Variants in ZNF345 observed in about 807,000 individuals in gnomAD.
ZNF345 encodes the protein zinc finger protein HZF10.
For synonymous variants in ZNF345, 166 were observed against 187.9 expected (o/e 0.88, Z 0.95); for missense variants, 527 against 589.9 (o/e 0.89, Z 1.10).
At chr19:36,882,213 T>C (rs1456018495), downstream of ZNF345, among the ~76,000 whole-genome samples, 2 of 152,182 alleles carry the variant, frequency 1.3e-5, no homozygotes, top group Non-Finnish European at 2.9e-5. Context: ...CTCTTTTAAA[T>C]TGGAAGCATT....
chr19:36,892,379 T>TTCTTCCC, intron 3 of ZNF345: 5 of 1,613,334 alleles, frequency 3.1e-6, no homozygotes, highest in Non-Finnish European at 3.4e-6. Flanking sequence ...GTGGGCTGAA[T>TTCTTCCC]AAAAGTAGAC....
At chr19:36,889,708 G>A (rs1188746330) in intron 3 of ZNF345, 1 of 151,774 alleles carries the variant, frequency 6.6e-6, no homozygotes, top group Admixed American at 6.6e-5. Flanking sequence ...TTTTATCTTT[G>A]CAAAGAACCA....
intron 2 of ZNF345, among the ~76,000 whole-genome samples, chr19:36,866,842 C>T (rs1008688855): frequency 1.3e-5 from 2 of 152,210 alleles, no homozygotes; most frequent in African/African-American, 4.8e-5. Context: ...TGAGCCGCCG[C>T]ACCTGGCCCA....
chr19:36,851,131 T>A (rs1449896587), intron 1 of ZNF345, 163 bp downstream of exon 1: 1 of 149,968 alleles, frequency 6.7e-6, no homozygotes. Flanking sequence ...GAGGAGGACT[T>A]TTTGTTTATG....
chr19:36,886,635 CAG>C (rs2072998831), intron 3 of ZNF345, among the ~76,000 whole-genome samples: 1 of 152,064 alleles, frequency 6.6e-6, no homozygotes, highest in Non-Finnish European at 1.5e-5. Flanking sequence ...CACCTGAGGT[CAG>C]GAGTTCGAGA....
At chr19:36,888,355 A>G (rs1272270631) in intron 3 of ZNF345, 1 of 152,150 alleles carries the variant, frequency 6.6e-6, no homozygotes, top group African/African-American at 2.4e-5. Context: ...CAAACCGTCA[A>G]TGCAAAAATC....
Position 36,876,779 on chromosome 19 carries a change from T to C in ZNF345, c.-46-6T>C. 6.6e-7 allele frequency: 1 copy of C among 1,513,742 alleles called. No homozygotes were observed. Among genetic ancestry groups the C allele is most frequent in the East Asian group, 2.3e-5 (1 of 44,168 alleles). The allele number at this position is 1,513,742 out of a possible 1,614,324, so 93.8% of individuals were successfully genotyped here. On this transcript the variant is annotated splice_polypyrimidine_tract_variant and splice_region_variant and intron_variant, in intron 2 of 2. Transcript: ENST00000420450. ...AGTGAATGTTTGCTTTTATATTTTC[T>C]TTCAGACTATGAATCAAAGTTGAGA...
At chr19:36,869,709 AT>A (rs1668242916) in intron 2 of ZNF345, among the ~76,000 whole-genome samples, 1 of 152,090 alleles carries the variant, frequency 6.6e-6, no homozygotes, top group South Asian at 2.1e-4. Flanking sequence ...CCAGGAGTGA[AT>A]ATGGCAGTGT....
intron 3 of ZNF345, among the ~76,000 whole-genome samples, chr19:36,885,731 T>C (rs1449736694): frequency 6.6e-6 from 1 of 152,158 alleles, no homozygotes; most frequent in Non-Finnish European, 1.5e-5. Context: ...AGGATACATA[T>C]TTCAACTAGC....
intron 3 of ZNF345, chr19:36,890,394 T>A (rs1298252835): frequency 6.6e-6 from 1 of 152,250 alleles, no homozygotes; most frequent in Non-Finnish European, 1.5e-5. Flanking sequence ...TATTGCTGTC[T>A]ATCTCTTTTC....
At chr19:36,867,770 C>G (rs773034034) in intron 2 of ZNF345, among the ~76,000 whole-genome samples, 3 of 152,016 alleles carry the variant, frequency 2.0e-5, no homozygotes, top group Non-Finnish European at 2.9e-5. Context: ...GACTTACTAT[C>G]CTTCTGGGAA....
In ZNF345 at chr19:36,871,459, G is replaced by T. The variant is rs540665133; in HGVS notation, c.-46-5326G>T. ...TTTGTGAGTCATTTGAAAATATGTT[G>T]GGGACATCTTCACATTTTACCATTA... On this transcript the variant is annotated intron_variant, in intron 2 of 2. Coordinates refer to ENST00000420450, the MANE Select transcript of ZNF345 (RefSeq NM_001242472.2). 3.3e-5 allele frequency among the ~76,000 whole-genome samples: 5 copies of T among 151,902 alleles called. No homozygotes were observed. The South Asian group carries it at 1.0e-3, about 32-fold the overall frequency.
intron 2 of ZNF345, among the ~76,000 whole-genome samples, chr19:36,864,801 G>A (rs377148879): frequency 4.6e-5 from 7 of 152,218 alleles, no homozygotes; most frequent in African/African-American, 7.2e-5. Flanking sequence ...GACAGTCATC[G>A]TCAGGGTTAT....
Position 36,878,470 on chromosome 19 carries a change from G to T in ZNF345, c.*173G>T, listed in dbSNP as rs2072937203. On this transcript the variant is annotated 3_prime_UTR_variant, in exon 3 of 3. Coordinates refer to ENST00000420450, the MANE Select transcript of ZNF345 (RefSeq NM_001242472.2). Reference sequence around the variant, plus strand: ...ACCCCAAATAAAATAAATATTTGAAGATCCTTATCTATATTCATTCCTTCA... The same window carrying T: ...ACCCCAAATAAAATAAATATTTGAATATCCTTATCTATATTCATTCCTTCA... The T allele has an allele frequency of 8.0e-6, 4 of 497,970 alleles. No individual in the cohort carries two copies. Among genetic ancestry groups the T allele is most frequent in the Non-Finnish European group, 1.4e-5 (4 of 291,934 alleles). The allele number at this position is 497,970 out of a possible 1,614,324, so 30.8% of individuals were successfully genotyped here. A position where few individuals can be genotyped will look rare whatever the true frequency, so the allele number is the denominator to read the frequency against.
At chr19:36,892,020 A>G in intron 3 of ZNF345, 4 of 1,613,312 alleles carry the variant, frequency 2.5e-6, no homozygotes, top group Non-Finnish European at 3.4e-6. Context: ...TTCTCTGATG[A>G]TCATTAAGGT....
At chr19:36,881,549 C>G (rs940495135), downstream of ZNF345, among the ~76,000 whole-genome samples, 1 of 152,020 alleles carries the variant, frequency 6.6e-6, no homozygotes, top group African/African-American at 2.4e-5. Flanking sequence ...AGTCAGGTCC[C>G]TTGAGTGAAT....
intron 2 of ZNF345, among the ~76,000 whole-genome samples, chr19:36,856,377 AGT>A (rs1488785208): frequency 6.6e-6 from 1 of 152,078 alleles, no homozygotes; most frequent in African/African-American, 2.4e-5. Flanking sequence ...TTATTTATTC[AGT>A]GATAACTTAT....
chr19:36,891,850 T>C, intron 3 of ZNF345: 1 of 1,614,176 alleles, frequency 6.2e-7, no homozygotes, highest in African/African-American at 1.3e-5. Context: ...CATTCTCTGA[T>C]GCTGAATAAG....
chr19:36,858,495 G>A (rs2072471973), intron 2 of ZNF345, among the ~76,000 whole-genome samples: 1 of 152,210 alleles, frequency 6.6e-6, no homozygotes, highest in South Asian at 2.1e-4. Context: ...GCAGGGTGCA[G>A]TGGCTCACGC....
Sources: gnomAD v4.1 joint callset for allele counts (sites outside exome capture counted in the v4.1 genomes callset) on GRCh38, gnomAD v4.1.1 for gene constraint, MANE v1.5 for transcripts, NCBI Gene and HGNC (gene_info 2026-07-23, HGNC 2026-07-21) for gene names.